ARID2: variants seen among roughly 807,000 people sequenced by gnomAD.
ARID2 encodes AT-rich interaction domain 2.
ARID2 carries 32 observed loss-of-function variants against 184.6 expected under a neutral mutation model. The ratio of observed to expected loss-of-function variants is 0.17; its 90% CI spans 0.13 to 0.23. The LOEUF is 0.23. Ranked by LOEUF, ARID2 falls within the 10% of genes least tolerant of loss-of-function variation. ARID2 has a pLI of 1.00. For missense variants in ARID2, 1,696 were observed against 2,197.6 expected (o/e 0.77, Z 4.56); for synonymous variants, 836 against 772.6 (o/e 1.08, Z -1.36).
At chr12:45,866,206 T>C (rs1005797156) in intron 16 of ARID2, among the ~76,000 whole-genome samples, 2 of 152,158 alleles carry the variant, frequency 1.3e-5, no homozygotes, top group Non-Finnish European at 2.9e-5. Flanking sequence ...ATTCTTTGTA[T>C]TGAATACCAA....
chr12:45,777,005 T>C, intron 3 of ARID2, among the ~76,000 whole-genome samples: 1 of 151,448 alleles, frequency 6.6e-6, no homozygotes, highest in Non-Finnish European at 1.5e-5. Context: ...TTGGCCAGGC[T>C]GGTCTCAAAC....
chr12:45,731,366 A>G, intron 3 of ARID2, 52 bp downstream of exon 3: 1 of 1,378,104 alleles, frequency 7.3e-7, no homozygotes, highest in South Asian at 1.2e-5. Context: ...ACTTATGGAG[A>G]GATTTGTTTT....
chr12:45,887,383 G>C (rs1266254142), intron 16 of ARID2, among the ~76,000 whole-genome samples: 1 of 152,124 alleles, frequency 6.6e-6, no homozygotes, highest in Admixed American at 6.5e-5. Flanking sequence ...TTTTGAAAAA[G>C]TAGCAGGATC....
At chr12:45,861,022 A>G (rs1217686574) in intron 16 of ARID2, 73 bp downstream of exon 16, 6 of 1,318,666 alleles carry the variant, frequency 4.6e-6, no homozygotes, top group Non-Finnish European at 5.9e-6. Flanking sequence ...AGTTTCTGTC[A>G]TCTATAGTTG....
In ARID2 at chr12:45,848,870, T is replaced by C. The variant is rs1336529782; in HGVS notation, c.1615T>C (p.Ser539Pro). The change falls in exon 13 of 21, where the codon TCT becomes CCT. Residue 539 changes from serine to proline, a missense_variant. Physicochemically the swap from Ser to Pro is moderately conservative, Grantham distance 74. Around this residue, in one of 11 missense-constraint regions of ARID2, gnomAD observed 713 missense variants for 824.4 expected, o/e 0.86. Transcript: ENST00000334344. The part of the protein sequence containing the change: ...NAHFEVNPDC[S>P]VSRAEMYSEY... ...TCATTTTGAAGTAAATCCAGATTGTTCTGTTTCTCGAGCAGAAATGTATTC... is the reference window on the plus strand; with the variant it reads ...TCATTTTGAAGTAAATCCAGATTGTCCTGTTTCTCGAGCAGAAATGTATTC... 16 of 1,612,170 alleles carry C rather than the reference T, an allele frequency of 9.9e-6. No homozygotes were observed. Among genetic ancestry groups the C allele is most frequent in the Non-Finnish European group, 1.4e-5 (16 of 1,178,910 alleles).
chr12:45,816,092 G>A (rs1323606510), intron 4 of ARID2, among the ~76,000 whole-genome samples: 1 of 152,122 alleles, frequency 6.6e-6, no homozygotes, highest in African/African-American at 2.4e-5. Context: ...TGCCCCGTTA[G>A]GATTCAGTTA....
chr12:45,810,030 T>C (rs1942675594), intron 3 of ARID2, among the ~76,000 whole-genome samples: 1 of 152,180 alleles, frequency 6.6e-6, no homozygotes, highest in South Asian at 2.1e-4. Flanking sequence ...AGCTTTTAAG[T>C]AGCTCCAAAT....
intron 15 of ARID2, among the ~76,000 whole-genome samples, chr12:45,859,331 TTCCA>T (rs1280239102): frequency 6.6e-6 from 1 of 152,192 alleles, no homozygotes; most frequent in African/African-American, 2.4e-5. Flanking sequence ...CAATAGGCTA[TTCCA>T]TATAGCCTAG....
chr12:45,730,218 G>A, intron 2 of ARID2, 81 bp downstream of exon 2: 1 of 1,404,170 alleles, frequency 7.1e-7, no homozygotes, highest in South Asian at 1.3e-5. Context: ...TGGGCGCTTG[G>A]GGCTGGGGGG....
At chr12:45,821,388 T>A in intron 5 of ARID2, 32 bp from the exon 6 acceptor site, 1 of 1,306,310 alleles carries the variant, frequency 7.7e-7, no homozygotes, top group Non-Finnish European at 1.0e-6. Context: ...TTGCATTTTA[T>A]TGAATGTACT....
In ARID2 at chr12:45,891,674, A is replaced by T. The variant is rs980039194; in HGVS notation, c.4923-106A>T. 4.1e-6 allele frequency: 5 copies of T among 1,228,382 alleles called. No individual in the cohort carries two copies. In the Admixed American group the frequency reaches 7.8e-5, roughly 19 times the overall value. The allele number at this position is 1,228,382 out of a possible 1,614,324, so 76.1% of individuals were successfully genotyped here. A position where few individuals can be genotyped will look rare whatever the true frequency, so the allele number is the denominator to read the frequency against. ...TTAAAACAATTTACCAAAAGTGTTC[A>T]GTACAACTGATGATTCCACTTGGAA... is the stretch of plus-strand genomic sequence containing the variant. On this transcript the variant is annotated intron_variant, in intron 16 of 20. Transcript: ENST00000334344.
chr12:45,904,107 A>G (rs1944491751), intron 20 of ARID2, among the ~76,000 whole-genome samples: 1 of 152,150 alleles, frequency 6.6e-6, no homozygotes, highest in Non-Finnish European at 1.5e-5. Context: ...AGCCACATCA[A>G]TATTGTGATC....
In ARID2 at chr12:45,852,487, G is replaced by C; in HGVS notation, c.4364G>C (p.Ser1455Thr). 6.2e-7 allele frequency: 1 copy of C among 1,614,148 alleles called. No individual in the cohort carries two copies. Among genetic ancestry groups the C allele is most frequent in the South Asian group, 1.1e-5 (1 of 91,084 alleles). The change falls in exon 15 of 21, where the codon AGT becomes ACT. Residue 1455 changes from serine to threonine, a missense_variant. Ser to Thr is a moderately conservative substitution (Grantham distance 58). Around this residue, in one of 11 missense-constraint regions of ARID2, gnomAD observed 428 missense variants for 409.1 expected, o/e 1.05. Transcript: ENST00000334344. ...TTGCTTAATGGACCTCTAGCTTCAA[G>C]TTTGAATTCAGATGTGCCTCAGCAA... ...TDLLNGPLAS[S>T]LNSDVPQQRP...
rs1943563630 is a variant in ARID2 at position 45,852,132 on chromosome 12, G to C, written c.4009G>C (p.Gly1337Arg). 3.1e-6 allele frequency: 5 copies of C among 1,614,120 alleles called. No homozygotes were observed. Among genetic ancestry groups the C allele is most frequent in the Non-Finnish European group, 4.2e-6 (5 of 1,180,012 alleles). ...SLELGENGAS[G>R]KQNSEQIDMQ... ...GGAATTAGGTGAGAATGGAGCATCT[G>C]GGAAACAGAACTCAGAACAAATAGA... Residue 1337 changes from glycine (G) to arginine (R), a missense_variant, in exon 15 of 21, where the codon GGG becomes CGG. Gly to Arg is a moderately radical substitution (Grantham distance 125, BLOSUM62 -2). Around this residue, in one of 11 missense-constraint regions of ARID2, gnomAD observed 428 missense variants for 409.1 expected, o/e 1.05. Coordinates refer to ENST00000334344, the MANE Select transcript of ARID2 (RefSeq NM_152641.4).
At chr12:45,821,577 T>C in intron 6 of ARID2, 90 bp downstream of exon 6, 1 of 650,110 alleles carries the variant, frequency 1.5e-6, no homozygotes, top group Admixed American at 3.2e-5. Flanking sequence ...ATATACATAA[T>C]ACTACCTATA....
At chr12:45,739,974 G>A (rs1372123281) in intron 3 of ARID2, among the ~76,000 whole-genome samples, 1 of 152,202 alleles carries the variant, frequency 6.6e-6, no homozygotes, top group Admixed American at 6.5e-5. Flanking sequence ...AAGTGAATTT[G>A]CAATACGCTT....
At chr12:45,730,169 T>G in intron 2 of ARID2, 32 bp downstream of exon 2, 1 of 1,604,818 alleles carries the variant, frequency 6.2e-7, no homozygotes, top group Non-Finnish European at 8.5e-7. Flanking sequence ...TATTTCCCTC[T>G]CGCTGGCCTC....
intron 3 of ARID2, among the ~76,000 whole-genome samples, chr12:45,753,058 C>T (rs1387473000): frequency 6.6e-6 from 1 of 151,826 alleles, no homozygotes; most frequent in Admixed American, 6.6e-5. Flanking sequence ...GTCGGGAGTT[C>T]AAGACAACCA....
At chr12:45,832,014 T>C (rs1943131580) in intron 6 of ARID2, among the ~76,000 whole-genome samples, 1 of 152,194 alleles carries the variant, frequency 6.6e-6, no homozygotes, top group East Asian at 1.9e-4. Context: ...AGCACTTATT[T>C]TCCTCCTCCC....
Sources: gnomAD v4.1 joint callset for allele counts (sites outside exome capture counted in the v4.1 genomes callset) on GRCh38, gnomAD v4.1.1 for gene constraint, gnomAD v4.1.1 regional missense constraint, MANE v1.5 for transcripts, NCBI Gene and HGNC (gene_info 2026-07-23, HGNC 2026-07-21) for gene names.